Variants in LGR5 observed in about 807,000 individuals in gnomAD.
LGR5 encodes the protein leucine-rich repeat-containing G protein-coupled receptor 5.
A neutral mutation model predicts 76.7 loss-of-function variants in LGR5; 54 were observed. The observed-to-expected ratio is 0.70, with a 90% CI of 0.57 to 0.88. LGR5 has a LOEUF of 0.88. Among genes scored for constraint, LGR5 ranks in the 40% least tolerant of loss-of-function variants. The pLI is 0.00. For synonymous variants in LGR5, 406 were observed against 421.9 expected (o/e 0.96, Z 0.46); for missense variants, 1,078 against 1,073.3 (o/e 1.00, Z -0.06).
At chr12:71,512,115 C>A (rs975654439) in intron 2 of LGR5, among the ~76,000 whole-genome samples, 2 of 152,156 alleles carry the variant, frequency 1.3e-5, no homozygotes, top group Non-Finnish European at 2.9e-5. Context: ...CCTCAGCCTC[C>A]CAGGTAGCTG....
chr12:71,459,929 A>C (rs745973769), intron 1 of LGR5, among the ~76,000 whole-genome samples: 3 of 152,024 alleles, frequency 2.0e-5, no homozygotes, highest in Non-Finnish European at 4.4e-5. Flanking sequence ...GCTGTTTCCA[A>C]GGTTTATCTG....
intron 1 of LGR5, among the ~76,000 whole-genome samples, chr12:71,449,932 T>C (rs1319565307): frequency 3.9e-5 from 6 of 152,210 alleles, no homozygotes; most frequent in African/African-American, 1.4e-4. Context: ...AGCATTACCC[T>C]AATTGCCCAA....
At chr12:71,474,886 T>C (rs950740229) in intron 1 of LGR5, among the ~76,000 whole-genome samples, 1 of 152,230 alleles carries the variant, frequency 6.6e-6, no homozygotes, top group African/African-American at 2.4e-5. Context: ...AAAGCTTTAA[T>C]GTTGGCCAAG....
At chr12:71,545,710 A>G (rs973993346) in intron 4 of LGR5, among the ~76,000 whole-genome samples, 19 of 152,098 alleles carry the variant, frequency 1.2e-4, no homozygotes, top group African/African-American at 4.6e-4. Context: ...TCTTATAGTT[A>G]ATGGCTCATC....
intron 1 of LGR5, among the ~76,000 whole-genome samples, chr12:71,488,284 C>T (rs1873922792): frequency 6.6e-6 from 1 of 152,200 alleles, no homozygotes; most frequent in Non-Finnish European, 1.5e-5. Flanking sequence ...GTTTGGTGAT[C>T]TTGGGAAAGC....
intron 1 of LGR5, among the ~76,000 whole-genome samples, chr12:71,467,973 T>C (rs1872932208): frequency 6.6e-6 from 1 of 152,244 alleles, no homozygotes; most frequent in African/African-American, 2.4e-5. Flanking sequence ...AGGAACATTA[T>C]GTCATATTAA....
chr12:71,516,397 C>T (rs1209883296), intron 2 of LGR5, among the ~76,000 whole-genome samples: 2 of 152,086 alleles, frequency 1.3e-5, no homozygotes, highest in Non-Finnish European at 2.9e-5. Context: ...GCCAGGCCCC[C>T]TCGCTTAACT....
intron 13 of LGR5, among the ~76,000 whole-genome samples, chr12:71,574,504 C>CTTA (rs1209070785): frequency 1.9e-4 from 29 of 152,200 alleles, no homozygotes; most frequent in African/African-American, 6.7e-4. Flanking sequence ...TTTGGATCAC[C>CTTA]ATCATCCTCC....
chr12:71,474,780 C>A (rs974331376), intron 1 of LGR5, among the ~76,000 whole-genome samples: 2 of 152,154 alleles, frequency 1.3e-5, no homozygotes, highest in Non-Finnish European at 1.5e-5. Context: ...AATGTAGCAA[C>A]TGATCGTCTT....
chr12:71,583,969 C>G lies in LGR5; in HGVS notation c.1959C>G (p.Phe653Leu). The change falls in exon 18 of 18, where the codon TTC (phenylalanine) becomes TTG (leucine). Residue 653 changes from phenylalanine to leucine, a missense_variant. By Grantham distance (22) the Phe-to-Leu change is conservative. Coordinates refer to ENST00000266674, the MANE Select transcript of LGR5 (RefSeq NM_003667.4). ...TTTTTGCTTCAGAATCATCTGTTTT[C>G]CTGCTTACTCTGGCAGCCCTGGAGC... ...LSIFASESSV[F>L]LLTLAALERG... The G allele has an allele frequency of 6.2e-7, 1 of 1,614,146 alleles. No individual in the cohort carries two copies. Among genetic ancestry groups the G allele is most frequent in the Non-Finnish European group, 8.5e-7 (1 of 1,180,026 alleles).
rs1565844216 is a variant in LGR5, at chr12:71,439,912, C to T, written c.-169C>T. On this transcript the variant is annotated 5_prime_UTR_variant, in exon 1 of 18. Coordinates refer to ENST00000266674, the MANE Select transcript of LGR5 (RefSeq NM_003667.4). ...GCAACCGGCACCTCTGTCCCCGCCG[C>T]GCTTCTCCTCGCCGCCCACGCCGTG... 2 of 594,994 alleles carry T rather than the reference C, an allele frequency of 3.4e-6. No individual in the cohort carries two copies. The highest frequency in any genetic ancestry group is 5.7e-6 in the Non-Finnish European group (2 of 353,756). The allele number at this position is 594,994 out of a possible 1,614,324, so 36.9% of individuals were successfully genotyped here.
chr12:71,565,422 C>CTATATATATATA (rs1209363296), intron 8 of LGR5, among the ~76,000 whole-genome samples: 254 of 13,896 alleles, frequency 0.018, 1 homozygote, highest in South Asian at 0.084. Flanking sequence ...ATCAATTGAG[C>CTATATATATATA]TATATATATA....
intron 6 of LGR5, among the ~76,000 whole-genome samples, 168 bp from the exon 7 acceptor site, chr12:71,559,418 G>T (rs564735201): frequency 6.6e-6 from 1 of 152,268 alleles, no homozygotes; most frequent in African/African-American, 2.4e-5. Context: ...GATACTTATA[G>T]AATGTTGGTA....
chr12:71,519,941 G>C (rs118048309), intron 2 of LGR5, among the ~76,000 whole-genome samples: 2,637 of 152,094 alleles, frequency 0.017, 25 homozygotes, highest in Middle Eastern at 0.068. Context: ...TTCAGATGTG[G>C]AGGAATTATA....
intron 1 of LGR5, among the ~76,000 whole-genome samples, chr12:71,471,228 A>C (rs932738513): frequency 6.6e-6 from 1 of 152,248 alleles, no homozygotes; most frequent in African/African-American, 2.4e-5. Context: ...GGGCTCTATC[A>C]AAATGTGGAA....
At chr12:71,567,262 A>G in intron 11 of LGR5, 1 of 254,532 alleles carries the variant, frequency 3.9e-6, no homozygotes, top group South Asian at 5.6e-5. Flanking sequence ...ACCACCCAAT[A>G]TGGATGCCAA....
chr12:71,529,801 C>T (rs1235994204), intron 3 of LGR5, among the ~76,000 whole-genome samples: 4 of 151,860 alleles, frequency 2.6e-5, no homozygotes, highest in African/African-American at 9.7e-5. Flanking sequence ...ACTAAAAATA[C>T]AAAAATTAGC....
intron 5 of LGR5, 25 bp from the exon 6 acceptor site, chr12:71,556,594 A>G: frequency 6.6e-7 from 1 of 1,508,550 alleles, no homozygotes; most frequent in Non-Finnish European, 9.2e-7. Context: ...GTGCCTTCCT[A>G]ACTATCTGTA....
rs1326151041 is a variant in LGR5, at chr12:71,583,778, TCCC to T, written c.1771_1773del (p.Pro591del). 6.2e-7 allele frequency: 1 copy of T among 1,614,054 alleles called. No homozygotes were observed. Among genetic ancestry groups the T allele is most frequent in the Admixed American group, 1.7e-5 (1 of 60,010 alleles). On this transcript the variant is annotated inframe_deletion, in exon 18 of 18. Transcript: ENST00000266674. ...AGTTTTCAGATCCCCTCTGTACATTTCCCCCATTAAACTGTTAATTGGGGTCAT... is the reference window on the plus strand; with the variant it reads ...AGTTTTCAGATCCCCTCTGTACATTTCCATTAAACTGTTAATTGGGGTCAT...
Sources: allele counts gnomAD v4.1 joint callset (sites outside exome capture counted in the v4.1 genomes callset), GRCh38; gene constraint gnomAD v4.1.1; transcripts MANE v1.5; gene names NCBI Gene and HGNC (gene_info 2026-07-23, HGNC 2026-07-21).